SERPINA10: variants seen among roughly 807,000 people sequenced by gnomAD.
SERPINA10 encodes serpin family A member 10.
A neutral mutation model predicts 28.0 loss-of-function variants in SERPINA10; 24 were observed. That is an observed-to-expected ratio of 0.86 (90% CI 0.62 to 1.20). The LOEUF is 1.20. Ranked by LOEUF, SERPINA10 falls within the 50% of genes most tolerant of loss-of-function variation. The pLI, the probability that SERPINA10 is intolerant of heterozygous loss-of-function variation, is 0.00. For synonymous variants in SERPINA10, 207 were observed against 203.9 expected (o/e 1.02, Z -0.13); for missense variants, 521 against 537.7 (o/e 0.97, Z 0.31).
Position 94,282,743 on chromosome 14 carries a change from A to G in SERPINA10, c.*1222T>C, listed in dbSNP as rs2139688518. 1 of 152,374 alleles carries G rather than the reference A, an allele frequency of 6.6e-6. No individual in the cohort carries two copies. Among genetic ancestry groups the G allele is most frequent in the Admixed American group, 6.5e-5 (1 of 15,304 alleles). 9.4% of individuals were successfully genotyped at this position (152,374 alleles called of 1,614,324 possible). ...GCTTATTGCCATATGCTAGACATAT[A>G]ACTTTGAAGCTAGATATGCAACTTT... On this transcript the variant is annotated 3_prime_UTR_variant, in exon 5 of 5. Transcript: ENST00000261994.
intron 4 of SERPINA10, among the ~76,000 whole-genome samples, chr14:94,284,689 A>G (rs932196091): frequency 6.6e-6 from 1 of 152,184 alleles, no homozygotes; most frequent in Non-Finnish European, 1.5e-5. Context: ...CTGGCTGCCT[A>G]TACTGTGGCT....
chr14:94,292,652 C>T (rs1484643170), intron 1 of SERPINA10: 5 of 701,820 alleles, frequency 7.1e-6, no homozygotes, highest in Non-Finnish European at 1.3e-5. Context: ...AGTGGTAGCC[C>T]AGTAATTCCT....
chr14:94,287,540 A>T (rs1484218299), intron 3 of SERPINA10, among the ~76,000 whole-genome samples: 4 of 152,090 alleles, frequency 2.6e-5, no homozygotes, highest in Non-Finnish European at 5.9e-5. Flanking sequence ...CCTTGCTTCC[A>T]TCCTTACCCC....
intron 2 of SERPINA10, 106 bp from the exon 3 acceptor site, chr14:94,288,665 T>A: frequency 6.9e-7 from 1 of 1,440,140 alleles, no homozygotes; most frequent in Non-Finnish European, 9.6e-7. Flanking sequence ...CTCTCACTTC[T>A]CGTCTTCTCG....
Position 94,282,787 on chromosome 14 carries a change from T to A in SERPINA10, c.*1178A>T, listed in dbSNP as rs1894930213. On this transcript the variant is annotated 3_prime_UTR_variant, in exon 5 of 5. Transcript: ENST00000261994. ...CAACTTTGAAAGACGAATATATTCA[T>A]CTTTCTACCAATGCAGCCATAGAAC... 6.6e-6 allele frequency: 1 copy of A among 152,234 alleles called. No individual in the cohort carries two copies. The highest frequency in any genetic ancestry group is 1.5e-5 in the Non-Finnish European group (1 of 68,052). 9.4% of individuals were successfully genotyped at this position (152,234 alleles called of 1,614,324 possible).
chr14:94,289,283 C>A (rs1210714506), intron 2 of SERPINA10, among the ~76,000 whole-genome samples: 1 of 152,200 alleles, frequency 6.6e-6, no homozygotes, highest in Non-Finnish European at 1.5e-5. Context: ...TGGGTTTTGC[C>A]TCTGCCACTT....
chr14:94,288,779 A>G (rs1895088812), intron 2 of SERPINA10, among the ~76,000 whole-genome samples: 1 of 152,216 alleles, frequency 6.6e-6, no homozygotes, highest in Admixed American at 6.5e-5. Flanking sequence ...CCCAGCTAGC[A>G]AAATGCAGCT....
chr14:94,291,449 CAG>C (rs1388341221), intron 1 of SERPINA10, among the ~76,000 whole-genome samples: 1 of 152,268 alleles, frequency 6.6e-6, no homozygotes, highest in African/African-American at 2.4e-5. Flanking sequence ...TCCTTGGACA[CAG>C]AGCCTGGCTC....
rs546304706 is a variant in SERPINA10 at position 94,284,040 on chromosome 14, A to C, written c.1260T>G (p.Phe420Leu). 1.1e-4 allele frequency: 177 copies of C among 1,614,228 alleles called. 4 individuals carry two copies. In the South Asian group the frequency reaches 1.7e-3, roughly 15 times the overall value. The change falls in exon 5 of 5, where the codon TTT becomes TTG. Residue 420 changes from phenylalanine to leucine, a missense_variant. Phe to Leu is a conservative substitution (Grantham distance 22). Coordinates refer to ENST00000261994, the MANE Select transcript of SERPINA10 (RefSeq NM_001100607.3). The part of the protein sequence containing the change: ...MPPVIKVDRP[F>L]HFMIYEETSG... Reference sequence around the variant, plus strand: ...AGGTTTCTTCATAGATCATGAAATGAAATGGCCGGTCCACTTTGATGACAG... The same window carrying C: ...AGGTTTCTTCATAGATCATGAAATGCAATGGCCGGTCCACTTTGATGACAG...
At position 94,283,093 on chromosome 14, in the gene SERPINA10, C is replaced by A. The variant is rs947294919; in HGVS notation, c.*872G>T. ...ATTAAAATAAAACACTTATTTTGCA[C>A]CAGAGAGAAGGAAAGAGAGAGAAGC... On this transcript the variant is annotated 3_prime_UTR_variant, in exon 5 of 5. Transcript: ENST00000261994. 3 of 152,088 alleles carry A rather than the reference C, an allele frequency of 2.0e-5. No individual in the cohort carries two copies. The highest frequency in any genetic ancestry group is 4.4e-5 in the Non-Finnish European group (3 of 68,046). 9.4% of individuals were successfully genotyped at this position (152,088 alleles called of 1,614,324 possible). A position where few individuals can be genotyped will look rare whatever the true frequency, so the allele number is the denominator to read the frequency against.
In SERPINA10 at chr14:94,290,348, G is replaced by A. The variant is rs369321667; in HGVS notation, c.246C>T (p.Phe82=). 27 of 1,614,108 alleles carry A rather than the reference G, an allele frequency of 1.7e-5. No homozygotes were observed. The highest frequency in any genetic ancestry group is 1.6e-4 in the Middle Eastern group (1 of 6,084). The part of the protein sequence containing the change: ...RQQLAKETSN[F]GFSLLRKISM... ...AGATCTTTCGCAGCAGGCTGAATCC[G>A]AAGTTTGAAGTCTCCTTGGCAAGCT... The change falls in exon 2 of 5, where the codon TTC becomes TTT. Residue 82 remains phenylalanine (F), a synonymous_variant. Transcript: ENST00000261994.
At chr14:94,286,070 A>T in intron 4 of SERPINA10, 38 bp downstream of exon 4, 1 of 1,612,732 alleles carries the variant, frequency 6.2e-7, no homozygotes. Context: ...GTGACATTTC[A>T]TGCTGAGGTT....
Position 94,281,343 on chromosome 14 carries a change from G to C in SERPINA10, c.*2622C>G, listed in dbSNP as rs1343953686. On this transcript the variant is annotated 3_prime_UTR_variant, in exon 5 of 5. Transcript: ENST00000261994. ...CCCAGCTACTCGGGAGGCTGAGGCA[G>C]GAGAATGGCACGAACCCGGGAGGTG... The C allele has an allele frequency of 6.6e-6, 1 of 152,400 alleles. No individual in the cohort carries two copies. The highest frequency in any genetic ancestry group is 6.5e-5 in the Admixed American group (1 of 15,286). The allele number at this position is 152,400 out of a possible 1,614,324, so 9.4% of individuals were successfully genotyped here.
chr14:94,284,046 C>A lies in SERPINA10; in HGVS notation c.1254G>T (p.Arg418=), dbSNP rs1194939517. 8 of 1,614,200 alleles carry A rather than the reference C, an allele frequency of 5.0e-6. No homozygotes were observed. In the South Asian group the frequency reaches 8.8e-5, roughly 18 times the overall value. Reference sequence around the variant, plus strand: ...CTTCATAGATCATGAAATGAAATGGCCGGTCCACTTTGATGACAGGAGGCA... The same window carrying A: ...CTTCATAGATCATGAAATGAAATGGACGGTCCACTTTGATGACAGGAGGCA... ...YSMPPVIKVD[R]PFHFMIYEET... Residue 418 remains arginine (R), a synonymous_variant, in exon 5 of 5, where the codon CGG becomes CGT. Transcript: ENST00000261994.
chr14:94,284,160 G>C lies in SERPINA10; in HGVS notation c.1144-4C>G, dbSNP rs766776228. The C allele has an allele frequency of 6.6e-5, 107 of 1,613,124 alleles. No individual in the cohort carries two copies. Among genetic ancestry groups the C allele is most frequent in the Non-Finnish European group, 8.6e-5 (101 of 1,179,296 alleles). On this transcript the variant is annotated splice_region_variant and splice_polypyrimidine_tract_variant and intron_variant, in intron 4 of 4. Transcript: ENST00000261994. ...CAATCACTGTTCTTTGTAAAACCTG[G>C]AAAAAGGAAATAATGTGAAAAACCA...
At chr14:94,287,554 G>A (rs1299837223) in intron 3 of SERPINA10, among the ~76,000 whole-genome samples, 2 of 152,076 alleles carry the variant, frequency 1.3e-5, no homozygotes, top group African/African-American at 4.8e-5. Flanking sequence ...TTACCCCCTA[G>A]TGTCTTTTCT....
chr14:94,290,183 C>G lies in SERPINA10; in HGVS notation c.411G>C (p.Lys137Asn), dbSNP rs2139699940. The part of the protein sequence containing the change: ...GLHLQALKPT[K>N]PGLLPSLFKG... ...TAAAGAGGGAAGGCAGGAGCCCGGGCTTGGTGGGCTTCAGGGCCTGCAAGT... is the reference window on the plus strand; with the variant it reads ...TAAAGAGGGAAGGCAGGAGCCCGGGGTTGGTGGGCTTCAGGGCCTGCAAGT... Residue 137 changes from lysine to asparagine, a missense_variant, in exon 2 of 5, where the codon AAG becomes AAC. Transcript: ENST00000261994. The G allele has an allele frequency of 6.2e-7, 1 of 1,613,846 alleles. No homozygotes were observed.
intron 1 of SERPINA10, 122 bp downstream of exon 1, chr14:94,293,067 G>T: frequency 4.7e-6 from 1 of 213,270 alleles, no homozygotes; most frequent in Admixed American, 4.7e-5. Context: ...GTAGGATGGA[G>T]GTCTTTGCAC....
rs1332144458 is a variant in SERPINA10 at position 94,283,686 on chromosome 14, G to A, written c.*279C>T. 1 of 483,604 alleles carries A rather than the reference G, an allele frequency of 2.1e-6. No individual in the cohort carries two copies. Among genetic ancestry groups the A allele is most frequent in the East Asian group, 3.7e-5 (1 of 26,946 alleles). 30.0% of individuals were successfully genotyped at this position (483,604 alleles called of 1,614,324 possible). A position where few individuals can be genotyped will look rare whatever the true frequency, so the allele number is the denominator to read the frequency against. On this transcript the variant is annotated 3_prime_UTR_variant, in exon 5 of 5. Transcript: ENST00000261994. The stretch of plus-strand genomic sequence containing the variant: ...TTGTTATTATTGTTAATCTCTTACT[G>A]TGCCTAATTTATAAATTAAACTTTA...
Sources: gnomAD v4.1 joint callset for allele counts (sites outside exome capture counted in the v4.1 genomes callset) on GRCh38, gnomAD v4.1.1 for gene constraint, MANE v1.5 for transcripts, NCBI Gene and HGNC (gene_info 2026-07-23, HGNC 2026-07-21) for gene names.